The following ANKRD2 variants were observed in gnomAD, a reference collection of about 807,000 sequenced individuals.
The protein encoded by ANKRD2 is ankyrin repeat domain 2.
In ANKRD2, 35 loss-of-function variants were observed where a neutral mutation model predicts 37.3. The observed-to-expected ratio is 0.94, with a 90% CI of 0.72 to 1.24. ANKRD2 has a LOEUF of 1.24. ANKRD2 is among the 50% of genes most tolerant of loss of function. The pLI is 0.00. For synonymous variants in ANKRD2, 159 were observed against 186.5 expected (o/e 0.85, Z 1.20); for missense variants, 410 against 445.6 (o/e 0.92, Z 0.72).
intron 5 of ANKRD2, 88 bp downstream of exon 5, chr10:97,581,041 AAG>A: frequency 8.1e-7 from 1 of 1,240,638 alleles, no homozygotes; most frequent in Non-Finnish European, 1.1e-6. Context: ...TGCCAACCTG[AAG>A]CATAAACAGG....
chr10:97,578,423 C>A, intron 3 of ANKRD2, 25 bp downstream of exon 3: 1 of 1,612,352 alleles, frequency 6.2e-7, no homozygotes, highest in Non-Finnish European at 8.5e-7. Context: ...GAGGACACCG[C>A]GAGGGGGCGG....
intron 1 of ANKRD2, among the ~76,000 whole-genome samples, chr10:97,577,147 C>T (rs1564749530): frequency 6.6e-6 from 1 of 151,984 alleles, no homozygotes; most frequent in Non-Finnish European, 1.5e-5. Flanking sequence ...GGCACTACAA[C>T]AAAAGCCACT....
intron 6 of ANKRD2, among the ~76,000 whole-genome samples, chr10:97,581,903 C>G (rs989004774): frequency 2.0e-5 from 3 of 152,180 alleles, no homozygotes; most frequent in Non-Finnish European, 4.4e-5. Context: ...TGTTGCTCAT[C>G]TGTGAAATGT....
intron 1 of ANKRD2, among the ~76,000 whole-genome samples, chr10:97,573,552 G>A (rs553480703): frequency 1.1e-4 from 17 of 152,020 alleles, no homozygotes; most frequent in Admixed American, 3.3e-4. Context: ...TCAGCCTCCC[G>A]AGTAGCTGGG....
Position 97,582,417 on chromosome 10 carries a change from A to G in ANKRD2, c.753+4A>G. 1.9e-6 allele frequency: 3 copies of G among 1,569,400 alleles called. No individual in the cohort carries two copies. The highest frequency in any genetic ancestry group is 2.6e-6 in the Non-Finnish European group (3 of 1,157,112). On this transcript the variant is annotated splice_donor_region_variant and intron_variant, in intron 7 of 8. Coordinates refer to ENST00000370655, the MANE Select transcript of ANKRD2 (RefSeq NM_001346793.2). ...GGAAATCAATGCCAGAGACAGGGTGAGTGCTAGCCTGTCCGCTGCTCACCC... is the reference window on the plus strand; with the variant it reads ...GGAAATCAATGCCAGAGACAGGGTGGGTGCTAGCCTGTCCGCTGCTCACCC...
chr10:97,574,277 C>T (rs531227757), intron 1 of ANKRD2, among the ~76,000 whole-genome samples: 19 of 114,172 alleles, frequency 1.7e-4, no homozygotes, highest in Non-Finnish European at 3.9e-4. Flanking sequence ...AGGGAGACTC[C>T]GTCTCAAAAA....
Position 97,582,335 on chromosome 10 carries a change from C to T in ANKRD2, c.675C>T (p.His225=), listed in dbSNP as rs1171395308. ...CCCAGCTGCTGAGCACCCCGCTGCA[C>T]GTGGCAGTCCGGACAGGGCAGGTGG... The part of the protein sequence containing the change: ...VRDKLLSTPL[H]VAVRTGQVEI... Residue 225 remains histidine, a synonymous_variant, in exon 7 of 9, where the codon CAC becomes CAT. Transcript: ENST00000370655. 23 of 1,557,780 alleles carry T rather than the reference C, an allele frequency of 1.5e-5. No homozygotes were observed. The highest frequency in any genetic ancestry group is 1.7e-5 in the Non-Finnish European group (20 of 1,150,128).
At chr10:97,578,144 G>GGCCACCCCC in intron 2 of ANKRD2, 96 bp from the exon 3 acceptor site, 2 of 685,440 alleles carry the variant, frequency 2.9e-6, no homozygotes, top group Non-Finnish European at 5.0e-6. Flanking sequence ...GGGTCTTCCT[G>GGCCACCCCC]CCCACCCCAC....
At chr10:97,573,005 C>T in intron 1 of ANKRD2, 130 bp downstream of exon 1, 2 of 1,235,644 alleles carry the variant, frequency 1.6e-6, no homozygotes, top group Non-Finnish European at 2.2e-6. Flanking sequence ...CCAGTTGGGC[C>T]TCATTCCTGT....
rs1159120721 is a variant in ANKRD2, at chr10:97,582,694, A to C, written c.844A>C (p.Lys282Gln). 6.2e-7 allele frequency: 1 copy of C among 1,613,914 alleles called. No homozygotes were observed. The highest frequency in any genetic ancestry group is 8.5e-7 in the Non-Finnish European group (1 of 1,179,970). Residue 282 changes from lysine (K) to glutamine (Q), a missense_variant, in exon 8 of 9, where the codon AAG (lysine) becomes CAG (glutamine). Coordinates refer to ENST00000370655, the MANE Select transcript of ANKRD2 (RefSeq NM_001346793.2). ...LLLHGADMMT[K>Q]NLAGKTPTDL... ...CCTGCATGGGGCTGACATGATGACC[A>C]AGAACCTGGTAAGCTCATTCCCTCC...
rs1324831812 is a variant in ANKRD2 at position 97,582,399 on chromosome 10, A to G, written c.739A>G (p.Asn247Asp). The change falls in exon 7 of 9, where the codon AAT becomes GAT. Residue 247 changes from asparagine to aspartate, a missense_variant. Transcript: ENST00000370655. ...EHFLSLGLEI[N>D]ARDREGDTAL... ...CTTTCTATCCCTGGGCCTGGAAATC[A>G]ATGCCAGAGACAGGGTGAGTGCTAG... is the stretch of plus-strand genomic sequence containing the variant. The G allele has an allele frequency of 6.4e-7, 1 of 1,565,182 alleles. No individual in the cohort carries two copies. The highest frequency in any genetic ancestry group is 1.2e-5 in the South Asian group (1 of 85,948).
chr10:97,580,178 A>G (rs1357401748), intron 4 of ANKRD2, among the ~76,000 whole-genome samples: 2 of 152,214 alleles, frequency 1.3e-5, no homozygotes, highest in Non-Finnish European at 2.9e-5. Flanking sequence ...AAAAAAAGCA[A>G]AACAAAACAA....
At chr10:97,579,941 CT>C (rs1006370319) in intron 4 of ANKRD2, among the ~76,000 whole-genome samples, 15 of 152,192 alleles carry the variant, frequency 9.9e-5, no homozygotes, top group Non-Finnish European at 1.6e-4. Context: ...CATCATACTT[CT>C]TTTTGTTTTG....
At chr10:97,572,972 G>A (rs1357448269) in intron 1 of ANKRD2, 97 bp downstream of exon 1, 7 of 1,454,982 alleles carry the variant, frequency 4.8e-6, no homozygotes, top group African/African-American at 2.8e-5. Flanking sequence ...GTGGTGGGGA[G>A]GGGGGCAGAT....
chr10:97,578,153 A>ACC, intron 2 of ANKRD2, 87 bp from the exon 3 acceptor site: 1 of 218,894 alleles, frequency 4.6e-6, no homozygotes, highest in Non-Finnish European at 8.7e-6. Context: ...TGCCCACCCC[A>ACC]CCCTCCCCAC....
rs2040907813 is a variant in ANKRD2, at chr10:97,582,312, C to A, written c.655-3C>A. On this transcript the variant is annotated splice_polypyrimidine_tract_variant and splice_region_variant and intron_variant, in intron 6 of 8. Transcript: ENST00000370655. Reference sequence around the variant, plus strand: ...CTAGCAGTTCCTGATTCCTCCCACCCAGCTGCTGAGCACCCCGCTGCACGT... The same window carrying A: ...CTAGCAGTTCCTGATTCCTCCCACCAAGCTGCTGAGCACCCCGCTGCACGT... 1.3e-6 allele frequency: 2 copies of A among 1,553,576 alleles called. No homozygotes were observed. Among genetic ancestry groups the A allele is most frequent in the Admixed American group, 3.9e-5 (2 of 51,242 alleles).
At position 97,582,794 on chromosome 10, in the gene ANKRD2, G is replaced by A. The variant is rs1477919557; in HGVS notation, c.852+92G>A. Reference sequence around the variant, plus strand: ...GTCCCTGGAGCAGCCCCCGCCTAGGGACATGTATCATTGGCTCTGGCCAGC... The same window carrying A: ...GTCCCTGGAGCAGCCCCCGCCTAGGAACATGTATCATTGGCTCTGGCCAGC... On this transcript the variant is annotated intron_variant, in intron 8 of 8. Coordinates refer to ENST00000370655, the MANE Select transcript of ANKRD2 (RefSeq NM_001346793.2). 1.6e-5 allele frequency: 19 copies of A among 1,159,190 alleles called. No individual in the cohort carries two copies. In the East Asian group the frequency reaches 4.2e-4, roughly 26 times the overall value. The allele number at this position is 1,159,190 out of a possible 1,614,324, so 71.8% of individuals were successfully genotyped here.
intron 1 of ANKRD2, among the ~76,000 whole-genome samples, chr10:97,574,025 A>G (rs907682376): frequency 3.3e-5 from 5 of 151,652 alleles, no homozygotes; most frequent in Non-Finnish European, 7.4e-5. Context: ...CAAGCCTGTA[A>G]TCCCAGCATT....
At chr10:97,578,812 C>G (rs1217060367) in intron 4 of ANKRD2, among the ~76,000 whole-genome samples, 1 of 152,164 alleles carries the variant, frequency 6.6e-6, no homozygotes, top group East Asian at 1.9e-4. Flanking sequence ...ACTTGAATCA[C>G]CTGCAGAGCA....
Sources: gnomAD v4.1 joint callset for allele counts (sites outside exome capture counted in the v4.1 genomes callset) on GRCh38, gnomAD v4.1.1 for gene constraint, MANE v1.5 for transcripts, NCBI Gene and HGNC (gene_info 2026-07-23, HGNC 2026-07-21) for gene names.